ATP2B2: variants seen among roughly 807,000 people sequenced by gnomAD.
ATP2B2 encodes the protein plasma membrane calcium-transporting ATPase 2.
A neutral mutation model predicts 120.0 loss-of-function variants in ATP2B2; 15 were observed. The observed-to-expected ratio is 0.12, with a 90% CI of 0.08 to 0.19. The LOEUF is 0.19. Among genes scored for constraint, ATP2B2 ranks in the 10% least tolerant of loss-of-function variants. The probability of loss-of-function intolerance (pLI) is 1.00; values close to 1 mark genes in which losing one functional copy is unlikely to be tolerated. For synonymous variants in ATP2B2, 694 were observed against 700.3 expected (o/e 0.99, Z 0.14); for missense variants, 1,045 against 1,719.8 (o/e 0.61, Z 6.94).
At chr3:10,501,989 T>G (rs911712313) in intron 1 of ATP2B2, among the ~76,000 whole-genome samples, 4 of 152,086 alleles carry the variant, frequency 2.6e-5, no homozygotes, top group Non-Finnish European at 5.9e-5. Context: ...CAGGTGATCT[T>G]TAGGTTAATT....
At chr3:10,528,294 C>T (rs981251601) in intron 3 of ATP2B2, among the ~76,000 whole-genome samples, 1 of 152,102 alleles carries the variant, frequency 6.6e-6, no homozygotes, top group Non-Finnish European at 1.5e-5. Context: ...TCCACTGAAA[C>T]AAGTCACGTG....
intron 8 of ATP2B2, among the ~76,000 whole-genome samples, chr3:10,381,358 C>T (rs1463305705): frequency 6.6e-6 from 1 of 152,196 alleles, no homozygotes; most frequent in Non-Finnish European, 1.5e-5. Flanking sequence ...TGACTGGGCT[C>T]AGGGGCACCA....
At chr3:10,349,714 C>A (rs1206163557) in intron 16 of ATP2B2, among the ~76,000 whole-genome samples, 1 of 151,998 alleles carries the variant, frequency 6.6e-6, no homozygotes, top group Non-Finnish European at 1.5e-5. Flanking sequence ...GAGTATCAGA[C>A]AACAAGCAGC....
chr3:10,410,132 G>T (rs1348732649), intron 3 of ATP2B2, among the ~76,000 whole-genome samples: 2 of 152,092 alleles, frequency 1.3e-5, no homozygotes, highest in Non-Finnish European at 2.9e-5. Flanking sequence ...CTGTGCCTTG[G>T]TTTCCTCATC....
At chr3:10,657,035 C>G (rs1317047449) in intron 1 of ATP2B2, among the ~76,000 whole-genome samples, 1 of 152,170 alleles carries the variant, frequency 6.6e-6, no homozygotes, top group Non-Finnish European at 1.5e-5. Context: ...GGAGAGGAAG[C>G]CACTGAAAGG....
intron 5 of ATP2B2, among the ~76,000 whole-genome samples, chr3:10,392,094 G>T (rs1260481339): frequency 6.6e-6 from 1 of 152,006 alleles, no homozygotes; most frequent in East Asian, 1.9e-4. Context: ...CTCCTCTGGG[G>T]GTGCTTCCAG....
intron 2 of ATP2B2, among the ~76,000 whole-genome samples, chr3:10,574,522 A>G (rs1191470497): frequency 2.6e-5 from 4 of 152,146 alleles, no homozygotes; most frequent in Non-Finnish European, 5.9e-5. Flanking sequence ...TTTTCAGTCC[A>G]TCTCATCCTT....
chr3:10,438,273 G>A (rs569913821), intron 2 of ATP2B2, among the ~76,000 whole-genome samples: 1 of 152,304 alleles, frequency 6.6e-6, no homozygotes, highest in East Asian at 1.9e-4. Flanking sequence ...CCACTGAGCT[G>A]GGGTGTGCTG....
chr3:10,628,185 T>C (rs2069760516), intron 1 of ATP2B2, among the ~76,000 whole-genome samples: 1 of 152,220 alleles, frequency 6.6e-6, no homozygotes, highest in South Asian at 2.1e-4. Context: ...TCAGGGCCCA[T>C]GGCCAGGGCT....
Position 10,329,521 on chromosome 3 carries a change from G to A in ATP2B2, c.3421-396C>T, listed in dbSNP as rs1574917142. On this transcript the variant is annotated intron_variant, in intron 22 of 22. Transcript: ENST00000360273. This position sits in a 1 kb window ranked among gnomAD's most constrained non-coding sequence, Gnocchi z 5.9. ...ATGCAGACAGGGAGGAGGACCAGGT[G>A]GGAATCAAGTAGGAAAGAGGAGAGG... 6.6e-6 allele frequency among the ~76,000 whole-genome samples: 1 copy of A among 152,016 alleles called. No homozygotes were observed. Among genetic ancestry groups the A allele is most frequent in the African/African-American group, 2.4e-5 (1 of 41,366 alleles).
At chr3:10,627,002 A>T (rs539475426) in intron 1 of ATP2B2, among the ~76,000 whole-genome samples, 182 of 152,168 alleles carry the variant, frequency 1.2e-3, no homozygotes, top group Non-Finnish European at 2.0e-3. Flanking sequence ...TTTGCTTTTG[A>T]AACTCACTCC....
intron 1 of ATP2B2, among the ~76,000 whole-genome samples, chr3:10,481,247 A>AT (rs1210675127): frequency 2.6e-5 from 4 of 152,212 alleles, no homozygotes; most frequent in Non-Finnish European, 5.9e-5. Context: ...GTTGGTATTT[A>AT]TATCACTTGC....
At chr3:10,496,561 C>T (rs541033046) in intron 1 of ATP2B2, among the ~76,000 whole-genome samples, 2 of 152,294 alleles carry the variant, frequency 1.3e-5, no homozygotes, top group African/African-American at 4.8e-5. Context: ...TCTCTCCCTA[C>T]CTTGTTTCCT....
rs1487083802 is a variant in ATP2B2 at position 10,342,422 on chromosome 3, C to G, written c.2917+330G>C. Among the ~76,000 whole-genome samples, 1 of 152,186 alleles carries G rather than the reference C, an allele frequency of 6.6e-6. No individual in the cohort carries two copies. Among genetic ancestry groups the G allele is most frequent in the Non-Finnish European group, 1.5e-5 (1 of 68,026 alleles). ...TGGGTCAGAGAAGGGGTGAGTCACT[C>G]CCCTCCCAGCCTCAGGTGCCTCTGG... On this transcript the variant is annotated intron_variant, in intron 19 of 22. Coordinates refer to ENST00000360273, the MANE Select transcript of ATP2B2 (RefSeq NM_001001331.4). This position sits in a 1 kb window ranked among gnomAD's most constrained non-coding sequence, Gnocchi z 4.4.
intron 1 of ATP2B2, among the ~76,000 whole-genome samples, chr3:10,700,521 A>G (rs1171138199): frequency 6.6e-6 from 1 of 152,234 alleles, no homozygotes; most frequent in Non-Finnish European, 1.5e-5. Context: ...AATGCCATGC[A>G]CAGTAGGGAG....
At chr3:10,566,067 C>T (rs1470027557) in intron 2 of ATP2B2, among the ~76,000 whole-genome samples, 1 of 152,150 alleles carries the variant, frequency 6.6e-6, no homozygotes, top group African/African-American at 2.4e-5. Flanking sequence ...GCTATCTGCC[C>T]ATGCACCCAC....
At chr3:10,637,469 C>G (rs1017737928) in intron 1 of ATP2B2, among the ~76,000 whole-genome samples, 11 of 152,130 alleles carry the variant, frequency 7.2e-5, no homozygotes, top group Non-Finnish European at 1.5e-5. Context: ...ACAAACCAAC[C>G]TTCTAGAGAT....
At chr3:10,450,330 TTCTC>T (rs1256453017) in intron 1 of ATP2B2, among the ~76,000 whole-genome samples, 1 of 151,924 alleles carries the variant, frequency 6.6e-6, no homozygotes, top group Admixed American at 6.5e-5. Flanking sequence ...ATTTCCCTCT[TTCTC>T]TCACTACCCT....
intron 2 of ATP2B2, among the ~76,000 whole-genome samples, chr3:10,580,847 G>T (rs1034942760): frequency 2.0e-5 from 3 of 152,204 alleles, no homozygotes; most frequent in Non-Finnish European, 4.4e-5. Flanking sequence ...TTTGAATACA[G>T]TCATATTCAT....
Sources: allele counts gnomAD v4.1 joint callset (sites outside exome capture counted in the v4.1 genomes callset), GRCh38; gene constraint gnomAD v4.1.1; non-coding constraint Gnocchi (gnomAD v3.1); transcripts MANE v1.5; gene names NCBI Gene and HGNC (gene_info 2026-07-23, HGNC 2026-07-21).